The following PPP6R2 variants were observed in gnomAD, a reference collection of about 807,000 sequenced individuals.
The protein encoded by PPP6R2 is serine/threonine-protein phosphatase 6 regulatory subunit 2.
A neutral mutation model predicts 100.2 loss-of-function variants in PPP6R2; 62 were observed. That is an observed-to-expected ratio of 0.62 (90% confidence interval 0.50 to 0.76). The LOEUF (loss-of-function observed/expected upper bound fraction) is 0.76. PPP6R2 is among the 30% of genes least tolerant of loss of function. PPP6R2 has a pLI of 0.00. For missense variants in PPP6R2, 1,142 were observed against 1,276.3 expected, an observed-to-expected ratio of 0.89 and a Z score of 1.60; for synonymous variants, 525 against 514.7, an observed-to-expected ratio of 1.02 and a Z score of -0.27.
At chr22:50,418,186 C>T (rs2060802625) in intron 6 of PPP6R2, among the ~76,000 whole-genome samples, 1 of 152,036 alleles carries the variant, frequency 6.6e-6, no homozygotes, top group African/African-American at 2.4e-5. Flanking sequence ...CAGGTATAGC[C>T]CAGTATCTGC....
chr22:50,425,152 C>T (rs1162997766), intron 10 of PPP6R2, among the ~76,000 whole-genome samples: 1 of 152,178 alleles, frequency 6.6e-6, no homozygotes, highest in African/African-American at 2.4e-5. Flanking sequence ...ACACTAACTC[C>T]CCATTCATTC....
At position 50,356,329 on chromosome 22, in the gene PPP6R2, G is replaced by T. The variant is rs1252666626; in HGVS notation, c.-148+12779G>T. Reference sequence around the variant, plus strand: ...CCTTTTTTTTTTTTTTTTTGAGAGGGTGTCACTCTGTCATCTCGGCTGGAA... The same window carrying T: ...CCTTTTTTTTTTTTTTTTTGAGAGGTTGTCACTCTGTCATCTCGGCTGGAA... On this transcript the variant is annotated intron_variant, in intron 1 of 23. Transcript: ENST00000612753. 3.4e-5 allele frequency among the ~76,000 whole-genome samples: 5 copies of T among 148,070 alleles called. No homozygotes were observed. The East Asian group carries it at 5.8e-4, about 17-fold the overall frequency.
At chr22:50,398,270 C>G (rs2057434762) in intron 3 of PPP6R2, among the ~76,000 whole-genome samples, 1 of 150,428 alleles carries the variant, frequency 6.6e-6, no homozygotes, top group African/African-American at 2.4e-5. Context: ...GTCCCAGGTT[C>G]AAGTGATTCT....
chr22:50,400,130 G>A lies in PPP6R2; in HGVS notation c.227+5995G>A, dbSNP rs181423846. 4.3e-3 allele frequency among the ~76,000 whole-genome samples: 653 copies of A among 152,308 alleles called. 3 individuals carry two copies. Among genetic ancestry groups the A allele is most frequent in the Middle Eastern group, 0.014 (4 of 294 alleles). ...AGCAGTGGGTCACAGCGGGCCCCCAGGAAGCACCCCCTGCCGCAGAGAGAC... is the reference window on the plus strand; with the variant it reads ...AGCAGTGGGTCACAGCGGGCCCCCAAGAAGCACCCCCTGCCGCAGAGAGAC... On this transcript the variant is annotated intron_variant, in intron 3 of 23. Coordinates refer to ENST00000612753, the MANE Select transcript of PPP6R2 (RefSeq NM_001242898.2).
At chr22:50,414,138 G>A (rs1051843953) in intron 4 of PPP6R2, among the ~76,000 whole-genome samples, 2 of 152,186 alleles carry the variant, frequency 1.3e-5, no homozygotes, top group Admixed American at 1.3e-4. Context: ...TGTGCTCCCT[G>A]GATGTGTGTT....
intron 1 of PPP6R2, among the ~76,000 whole-genome samples, chr22:50,347,868 C>G (rs1189731415): frequency 6.6e-6 from 1 of 152,148 alleles, no homozygotes; most frequent in African/African-American, 2.4e-5. Flanking sequence ...TTTGATGTCC[C>G]TTTTTCTGGT....
rs1304735491 is a variant in PPP6R2, at chr22:50,437,581, G to A, written c.1759G>A (p.Ala587Thr). The A allele has an allele frequency of 1.4e-6, 2 of 1,460,792 alleles. No individual in the cohort carries two copies. Among genetic ancestry groups the A allele is most frequent in the South Asian group, 1.1e-5 (1 of 89,120 alleles). The allele number at this position is 1,460,792 out of a possible 1,614,324, so 90.5% of individuals were successfully genotyped here. ...DQFGFNDEEF[A>T]DQDDNINAPF... ...GTTTGGCTTCAATGATGAGGAGTTTGCCGACCAGGACGACAACATCAAGTG... is the reference window on the plus strand; with the variant it reads ...GTTTGGCTTCAATGATGAGGAGTTTACCGACCAGGACGACAACATCAAGTG... The change falls in exon 16 of 24, where the codon GCC (alanine) becomes ACC (threonine). Residue 587 changes from alanine to threonine, a missense_variant. Ala to Thr is a moderately conservative substitution (Grantham distance 58). Transcript: ENST00000612753.
chr22:50,338,541 T>C (rs2042329568), upstream of PPP6R2, among the ~76,000 whole-genome samples: 1 of 133,100 alleles, frequency 7.5e-6, no homozygotes, highest in Non-Finnish European at 1.6e-5. Flanking sequence ...GTGTAGGGTG[T>C]GTGGTGTGTG....
chr22:50,381,403 C>T (rs529721569), intron 2 of PPP6R2, among the ~76,000 whole-genome samples: 14 of 90,676 alleles, frequency 1.5e-4, no homozygotes, highest in African/African-American at 7.5e-4. Context: ...CGGGCCCCAC[C>T]TCAGCACCAC....
At chr22:50,438,784 T>C in intron 19 of PPP6R2, 22 bp downstream of exon 19, 1 of 1,570,952 alleles carries the variant, frequency 6.4e-7, no homozygotes, top group Non-Finnish European at 8.6e-7. Context: ...CGCCAGGGGC[T>C]GGGAGTGTGG....
chr22:50,442,809 C>G (rs946581375), intron 22 of PPP6R2, among the ~76,000 whole-genome samples: 1 of 151,412 alleles, frequency 6.6e-6, no homozygotes, highest in African/African-American at 2.4e-5. Flanking sequence ...GCCTCGGCCT[C>G]CCAAAGTGCT....
the PPP6R2 span, among the ~76,000 whole-genome samples, chr22:50,334,433 T>C: frequency 6.6e-6 from 1 of 152,228 alleles, no homozygotes; most frequent in Non-Finnish European, 1.5e-5. Flanking sequence ...AAGATTATTA[T>C]AATATTGGAT....
intron 2 of PPP6R2, among the ~76,000 whole-genome samples, chr22:50,378,695 C>T (rs2052188863): frequency 6.7e-6 from 1 of 148,212 alleles, no homozygotes; most frequent in Admixed American, 6.8e-5. Context: ...GCCTGAGCAA[C>T]ATGGTGAAAC....
Position 50,418,935 on chromosome 22 carries a change from G to T in PPP6R2, c.687G>T (p.Leu229=). The T allele has an allele frequency of 6.2e-7, 1 of 1,613,948 alleles. No individual in the cohort carries two copies. Among genetic ancestry groups the T allele is most frequent in the Non-Finnish European group, 8.5e-7 (1 of 1,179,874 alleles). Reference sequence around the variant, plus strand: ...TGGGCAGAGACCAGGGCAGTCAGCTGCAAGAGGCTCTGGAGCCAGACCCGC... The same window carrying T: ...TGGGCAGAGACCAGGGCAGTCAGCTTCAAGAGGCTCTGGAGCCAGACCCGC... The part of the protein sequence containing the change: ...VRLGRDQGSQ[L]QEALEPDPLL... Residue 229 remains leucine (L), a synonymous_variant, in exon 7 of 24, where the codon CTG becomes CTT. Coordinates refer to ENST00000612753, the MANE Select transcript of PPP6R2 (RefSeq NM_001242898.2).
At chr22:50,413,774 G>T (rs2060094681) in intron 4 of PPP6R2, among the ~76,000 whole-genome samples, 1 of 151,448 alleles carries the variant, frequency 6.6e-6, no homozygotes, top group Non-Finnish European at 1.5e-5. Flanking sequence ...CTGCAGCCAG[G>T]TGGGCCTTCT....
chr22:50,376,449 C>T (rs1222147128), intron 2 of PPP6R2, among the ~76,000 whole-genome samples: 3 of 152,128 alleles, frequency 2.0e-5, no homozygotes, highest in East Asian at 1.9e-4. Flanking sequence ...GAAGGTCTTA[C>T]TCTGTCGCCT....
At chr22:50,388,675 C>G (rs2054778264) in intron 2 of PPP6R2, among the ~76,000 whole-genome samples, 1 of 151,976 alleles carries the variant, frequency 6.6e-6, no homozygotes, top group Admixed American at 6.6e-5. Context: ...AGTTCAAGAC[C>G]AGCCTGGCCA....
At chr22:50,332,231 A>AT in the PPP6R2 span, among the ~76,000 whole-genome samples, 15,933 of 145,118 alleles carry the variant, frequency 0.11, 1,495 homozygotes, top group African/African-American at 0.26. Flanking sequence ...CTTCTAGAAG[A>AT]TTTTTTTTTT....
At chr22:50,357,878 C>T (rs927998200) in intron 1 of PPP6R2, among the ~76,000 whole-genome samples, 14 of 151,914 alleles carry the variant, frequency 9.2e-5, no homozygotes, top group African/African-American at 3.4e-4. Flanking sequence ...TCCTCCTTGG[C>T]CTTCCAAAGT....
Sources: allele counts gnomAD v4.1 joint callset (sites outside exome capture counted in the v4.1 genomes callset), GRCh38; gene constraint gnomAD v4.1.1; transcripts MANE v1.5; gene names NCBI Gene and HGNC (gene_info 2026-07-23, HGNC 2026-07-21).